The following CBR4 variants were observed in gnomAD, a reference collection of about 807,000 sequenced individuals.
CBR4 encodes 3-oxoacyl-[acyl-carrier-protein] reductase.
A neutral mutation model predicts 21.0 loss-of-function variants in CBR4; 22 were observed. That is an observed-to-expected ratio of 1.05 (90% CI 0.75 to 1.50). CBR4 has a LOEUF of 1.50. Ranked by LOEUF, CBR4 falls within the 40% of genes most tolerant of loss-of-function variation. The pLI is 0.00. For missense variants in CBR4, 302 were observed against 286.3 expected (o/e 1.05, Z -0.40); for synonymous variants, 100 against 104.4 (o/e 0.96, Z 0.26).
chr4:168,968,539 A>G (rs772208265), intron 2 of CBR4, among the ~76,000 whole-genome samples: 5 of 152,226 alleles, frequency 3.3e-5, no homozygotes, highest in Non-Finnish European at 7.3e-5. Context: ...CTCCATGTCA[A>G]TAGTTGCTTA....
At chr4:168,986,986 G>A (rs773386874), downstream of CBR4, among the ~76,000 whole-genome samples, 35 of 152,190 alleles carry the variant, frequency 2.3e-4, no homozygotes, top group Non-Finnish European at 4.4e-4. Context: ...TGTCTTAAAT[G>A]TATCTCCACA....
At chr4:168,927,325 A>ACAT (rs1762692882) in intron 2 of CBR4, 1 of 232,220 alleles carries the variant, frequency 4.3e-6, no homozygotes, top group African/African-American at 2.2e-5. Context: ...TTTTCTTCAA[A>ACAT]CATAGGTGAA....
chr4:168,922,100 T>TAC (rs1257662371), intron 2 of CBR4, among the ~76,000 whole-genome samples: 2,662 of 96,378 alleles, frequency 0.028, 53 homozygotes, highest in African/African-American at 0.061. Flanking sequence ...TATATATATA[T>TAC]ATACACACAC....
At chr4:168,926,796 T>C (rs1762631524) in intron 2 of CBR4, 1 of 230,158 alleles carries the variant, frequency 4.3e-6, no homozygotes, top group African/African-American at 2.2e-5. Context: ...AGTACTACAA[T>C]GATTCTGAAG....
intron 2 of CBR4, among the ~76,000 whole-genome samples, chr4:168,961,586 A>T (rs1258553975): frequency 6.6e-6 from 1 of 152,082 alleles, no homozygotes; most frequent in Non-Finnish European, 1.5e-5. Flanking sequence ...CACTATATTT[A>T]AAAGAAAAGA....
intron 2 of CBR4, among the ~76,000 whole-genome samples, chr4:168,968,707 T>C (rs542124891): frequency 2.0e-5 from 3 of 152,242 alleles, no homozygotes; most frequent in Admixed American, 6.5e-5. Context: ...ATTAATTAAG[T>C]AGGAATATGA....
In CBR4 at chr4:168,989,729, T is replaced by C. The variant is rs1201097501; in HGVS notation, c.*421A>G. ...GACAAAATATATAAATCAATACTTG[T>C]TTATATGACTTGCAAAATGTCTATA... On this transcript the variant is annotated 3_prime_UTR_variant, in exon 5 of 5. Transcript: ENST00000306193. The C allele has an allele frequency of 1.0e-6, 1 of 982,278 alleles. No individual in the cohort carries two copies. The highest frequency in any genetic ancestry group is 1.2e-6 in the Non-Finnish European group (1 of 827,050). The allele number at this position is 982,278 out of a possible 1,614,324, so 60.8% of individuals were successfully genotyped here.
chr4:168,928,387 G>T (rs1762825061), intron 2 of CBR4: 1 of 181,914 alleles, frequency 5.5e-6, no homozygotes, highest in Non-Finnish European at 1.2e-5. Context: ...GTGTAATGTG[G>T]ATTTAACATC....
chr4:168,967,990 A>G (rs1196791491), intron 2 of CBR4, among the ~76,000 whole-genome samples: 1 of 152,042 alleles, frequency 6.6e-6, no homozygotes, highest in East Asian at 1.9e-4. Flanking sequence ...TGATCTTTAT[A>G]CTCTCTTCTA....
intron 2 of CBR4, among the ~76,000 whole-genome samples, chr4:168,940,211 T>G (rs773263115): frequency 1.3e-4 from 20 of 152,196 alleles, no homozygotes; most frequent in Non-Finnish European, 2.6e-4. Context: ...ATTTAATACA[T>G]GCTGCTGGGA....
intron 2 of CBR4, among the ~76,000 whole-genome samples, chr4:168,899,089 C>T (rs1254046445): frequency 6.6e-6 from 1 of 152,134 alleles, no homozygotes; most frequent in Non-Finnish European, 1.5e-5. Flanking sequence ...TGCTCTGTAC[C>T]ATACAGACAA....
At chr4:168,914,028 A>C in intron 2 of CBR4, 4 of 1,511,698 alleles carry the variant, frequency 2.6e-6, no homozygotes, top group Non-Finnish European at 3.7e-6. Context: ...GAAGGTATTT[A>C]ACATGTTCCT....
chr4:169,009,024 G>A (rs1254399416), intron 1 of CBR4: 3 of 454,136 alleles, frequency 6.6e-6, no homozygotes, highest in Non-Finnish European at 1.3e-5. Flanking sequence ...TCAGGAGTTG[G>A]GGTCCAGCAC....
chr4:168,896,523 T>C, intron 2 of CBR4: 1 of 1,336,862 alleles, frequency 7.5e-7, no homozygotes. Flanking sequence ...TTATTAGTCT[T>C]CACATCTTTT....
intron 2 of CBR4, chr4:168,926,957 T>TATCA (rs1553985940): frequency 4.6e-6 from 1 of 219,706 alleles, no homozygotes; most frequent in Non-Finnish European, 9.1e-6. Context: ...TAAATGTTAA[T>TATCA]ATCAAAAGAG....
At chr4:168,930,520 A>G (rs1430307294) in intron 2 of CBR4, among the ~76,000 whole-genome samples, 4 of 152,236 alleles carry the variant, frequency 2.6e-5, no homozygotes, top group Non-Finnish European at 4.4e-5. Context: ...GGGAAGTTAC[A>G]TAAGAGTGAT....
intron 2 of CBR4, among the ~76,000 whole-genome samples, chr4:168,906,909 T>G (rs1244515095): frequency 1.3e-5 from 2 of 152,194 alleles, no homozygotes; most frequent in Non-Finnish European, 2.9e-5. Flanking sequence ...AAAAGAAATG[T>G]TACTACAAAT....
At position 168,987,671 on chromosome 4, in the gene CBR4, A is replaced by G. The variant is rs1764735151; in HGVS notation, c.*2479T>C. On this transcript the variant is annotated 3_prime_UTR_variant, in exon 5 of 5. Coordinates refer to ENST00000306193, the MANE Select transcript of CBR4 (RefSeq NM_032783.5). ...GGTTATGATTTCTCAATTTACACATATTCCTTTTGAAAATCTTAGAAAAAA... is the reference window on the plus strand; with the variant it reads ...GGTTATGATTTCTCAATTTACACATGTTCCTTTTGAAAATCTTAGAAAAAA... The G allele has an allele frequency of 1.0e-6, 1 of 976,304 alleles. No homozygotes were observed. The highest frequency in any genetic ancestry group is 1.2e-6 in the Non-Finnish European group (1 of 821,662). The allele number at this position is 976,304 out of a possible 1,614,324, so 60.5% of individuals were successfully genotyped here. A position where few individuals can be genotyped will look rare whatever the true frequency, so the allele number is the denominator to read the frequency against.
rs1754736103 is a variant in CBR4, at chr4:168,894,660, G to C, written n.275C>G. ...TGTCTTTAATATTCAGGAGCCAGAA[G>C]AGGAAACAGCTAATCAGGTACCATG... is the stretch of plus-strand genomic sequence containing the variant. On this transcript the variant is annotated non_coding_transcript_exon_variant, in exon 3 of 4. Coordinates refer to the CBR4 transcript ENST00000509108. The C allele has an allele frequency of 5.0e-6, 8 of 1,613,586 alleles. No individual in the cohort carries two copies. Among genetic ancestry groups the C allele is most frequent in the Non-Finnish European group, 6.8e-6 (8 of 1,179,638 alleles).
Sources: gnomAD v4.1 joint callset for allele counts (sites outside exome capture counted in the v4.1 genomes callset) on GRCh38, gnomAD v4.1.1 for gene constraint, MANE v1.5 for transcripts, NCBI Gene and HGNC (gene_info 2026-07-23, HGNC 2026-07-21) for gene names.